ELL2: variants seen among roughly 807,000 people sequenced by gnomAD.
ELL2 encodes the protein RNA polymerase II elongation factor ELL2.
In ELL2, 21 loss-of-function variants were observed where a neutral mutation model predicts 72.8. The ratio of observed to expected loss-of-function variants is 0.29; its 90% CI spans 0.20 to 0.42. The LOEUF is 0.42. ELL2 is among the 10% of genes least tolerant of loss of function. ELL2 has a pLI of 1.00. For missense variants in ELL2, 568 were observed against 772.8 expected (o/e 0.73, Z 3.14); for synonymous variants, 266 against 283.2 (o/e 0.94, Z 0.61).
chr5:95,936,444 A>C (rs537153071), intron 2 of ELL2, among the ~76,000 whole-genome samples: 1 of 152,302 alleles, frequency 6.6e-6, no homozygotes, highest in East Asian at 1.9e-4. Flanking sequence ...TCTCCAGGGA[A>C]ATTTTATAGA....
At chr5:95,956,117 G>A (rs538604715) in intron 1 of ELL2, among the ~76,000 whole-genome samples, 3 of 152,154 alleles carry the variant, frequency 2.0e-5, no homozygotes, top group South Asian at 4.2e-4. Context: ...AGAATTCTAC[G>A]CCCCTTTCCT....
chr5:95,908,052 G>A (rs1749443414), intron 4 of ELL2, among the ~76,000 whole-genome samples: 1 of 152,144 alleles, frequency 6.6e-6, no homozygotes, highest in African/African-American at 2.4e-5. Context: ...TTTACTATCT[G>A]TACAAAACCA....
intron 2 of ELL2, among the ~76,000 whole-genome samples, chr5:95,940,658 A>G (rs1237945177): frequency 2.0e-5 from 3 of 152,224 alleles, no homozygotes; most frequent in Admixed American, 2.0e-4. Context: ...AAAAAGACAA[A>G]TAAAATTTCT....
intron 2 of ELL2, among the ~76,000 whole-genome samples, chr5:95,919,952 T>A (rs1296327792): frequency 4.6e-5 from 7 of 152,202 alleles, no homozygotes; most frequent in Non-Finnish European, 7.3e-5. Flanking sequence ...CTTCTATATA[T>A]TGAAGCAATC....
chr5:95,937,516 A>C (rs989024061), intron 2 of ELL2, among the ~76,000 whole-genome samples: 2 of 151,676 alleles, frequency 1.3e-5, no homozygotes, highest in African/African-American at 4.8e-5. Context: ...AAAAAAAAAA[A>C]GTGTGTGTGT....
At chr5:95,921,586 G>A (rs1750090494) in intron 2 of ELL2, among the ~76,000 whole-genome samples, 1 of 152,174 alleles carries the variant, frequency 6.6e-6, no homozygotes, top group Non-Finnish European at 1.5e-5. Context: ...CGCCTAGTTG[G>A]CATACATATA....
At position 95,893,335 on chromosome 5, in the gene ELL2, A is replaced by C. The variant is rs146550771; in HGVS notation, c.1590-2061T>G. Among the ~76,000 whole-genome samples, 34 of 152,350 alleles carry C rather than the reference A, an allele frequency of 2.2e-4. No homozygotes were observed. In the East Asian group the frequency reaches 6.2e-3, roughly 28 times the overall value. On this transcript the variant is annotated intron_variant, in intron 9 of 11. Transcript: ENST00000237853. ...GTAAAAGTATTCTTATTACATAAAA[A>C]TTAGAAATATTTTCGTTAAGTATGA... is the stretch of plus-strand genomic sequence containing the variant.
chr5:95,900,757 G>A lies in ELL2; in HGVS notation c.890C>T (p.Ala297Val). Residue 297 changes from alanine (A) to valine (V), a missense_variant, in exon 7 of 12, where the codon GCT becomes GTT. By Grantham distance (64) the Ala-to-Val change is moderately conservative. This residue lies in a region of ELL2 where 511 missense variants were observed against 728.4 expected (regional missense o/e 0.70). Coordinates refer to ENST00000237853, the MANE Select transcript of ELL2 (RefSeq NM_012081.6). ...AGATTCTGAACGGCTGGTGCCTGCAGCATTCTGAGACGGATTTAGTTTTCT... is the reference window on the plus strand; with the variant it reads ...AGATTCTGAACGGCTGGTGCCTGCAACATTCTGAGACGGATTTAGTTTTCT... ...LSRKLNPSQN[A>V]AGTSRSESPV... is the part of the protein sequence containing the mutation. The A allele has an allele frequency of 6.2e-7, 1 of 1,607,740 alleles. No individual in the cohort carries two copies. The highest frequency in any genetic ancestry group is 1.7e-4 in the Middle Eastern group (1 of 6,008).
At chr5:95,893,578 G>T (rs1216050787) in intron 9 of ELL2, among the ~76,000 whole-genome samples, 1 of 152,052 alleles carries the variant, frequency 6.6e-6, no homozygotes, top group Non-Finnish European at 1.5e-5. Context: ...GTAGAGACGG[G>T]GTTTCACCAT....
chr5:95,914,556 G>A (rs904551917), intron 3 of ELL2, among the ~76,000 whole-genome samples: 1 of 152,054 alleles, frequency 6.6e-6, no homozygotes, highest in Non-Finnish European at 1.5e-5. Context: ...GATTTTTATA[G>A]CAATTTTTTT....
intron 3 of ELL2, among the ~76,000 whole-genome samples, chr5:95,916,278 G>T (rs951965032): frequency 3.9e-5 from 6 of 152,084 alleles, no homozygotes; most frequent in African/African-American, 1.4e-4. Flanking sequence ...TGAAGGACAG[G>T]TTGGGAGACA....
Position 95,890,115 on chromosome 5 carries a change from G to A in ELL2, c.1762-985C>T, listed in dbSNP as rs556302051. On this transcript the variant is annotated intron_variant, in intron 10 of 11. Transcript: ENST00000237853. ...AAGTAATCCTTGGAATTATATTCTA[G>A]TTTCAGTATAATTATATACATTGAT... is the stretch of plus-strand genomic sequence containing the variant. Among the ~76,000 whole-genome samples, 7 of 152,126 alleles carry A rather than the reference G, an allele frequency of 4.6e-5. No individual in the cohort carries two copies. The South Asian group carries it at 1.2e-3, about 27-fold the overall frequency.
chr5:95,911,343 C>CTTT (rs141460387), intron 4 of ELL2, among the ~76,000 whole-genome samples: 1 of 146,388 alleles, frequency 6.8e-6, no homozygotes, highest in South Asian at 2.1e-4. Flanking sequence ...AATGATCACA[C>CTTT]TTTTTTTTTT....
intron 4 of ELL2, among the ~76,000 whole-genome samples, chr5:95,909,762 T>C (rs1749510774): frequency 6.6e-6 from 1 of 152,174 alleles, no homozygotes; most frequent in Admixed American, 6.5e-5. Flanking sequence ...CGCTGTTTCA[T>C]AACAAGGAGT....
chr5:95,947,723 C>G (rs1305049645), intron 1 of ELL2, among the ~76,000 whole-genome samples: 1 of 152,098 alleles, frequency 6.6e-6, no homozygotes, highest in Non-Finnish European at 1.5e-5. Context: ...TGTGTTACCC[C>G]CTAGTGCTAA....
chr5:95,941,006 T>C (rs1398729175), intron 2 of ELL2, among the ~76,000 whole-genome samples: 1 of 151,992 alleles, frequency 6.6e-6, no homozygotes, highest in East Asian at 1.9e-4. Context: ...AGCTGCAGGC[T>C]CTAAAACAAT....
At chr5:95,921,720 T>C (rs1750096085) in intron 2 of ELL2, among the ~76,000 whole-genome samples, 1 of 152,204 alleles carries the variant, frequency 6.6e-6, no homozygotes, top group Non-Finnish European at 1.5e-5. Context: ...ATGTCTGCTT[T>C]TGTTTCTCTG....
Position 95,961,738 on chromosome 5 carries a change from TGCCGCC to T in ELL2, c.-23_-18del, listed in dbSNP as rs748547152. The T allele has an allele frequency of 7.6e-6, 12 of 1,580,402 alleles. No homozygotes were observed. The highest frequency in any genetic ancestry group is 4.1e-5 in the African/African-American group (3 of 72,330). Reference sequence around the variant, plus strand: ...CGCCGCCATCTTAAACTCCCCGGGGTGCCGCCGCCGCCGCCGCTCCGGCTCTAGCCT... The same window carrying T: ...CGCCGCCATCTTAAACTCCCCGGGGTGCCGCCGCCGCTCCGGCTCTAGCCT... On this transcript the variant is annotated 5_prime_UTR_variant, in exon 1 of 12. Coordinates refer to ENST00000237853, the MANE Select transcript of ELL2 (RefSeq NM_012081.6).
chr5:95,917,358 T>A (rs990889484), intron 3 of ELL2, among the ~76,000 whole-genome samples: 1 of 152,334 alleles, frequency 6.6e-6, no homozygotes, highest in Non-Finnish European at 1.5e-5. Context: ...CATCTGTTTT[T>A]ACCCTTTTAT....
Sources: allele counts gnomAD v4.1 joint callset (sites outside exome capture counted in the v4.1 genomes callset), GRCh38; gene constraint gnomAD v4.1.1; regional missense constraint gnomAD v4.1.1; transcripts MANE v1.5; gene names NCBI Gene and HGNC (gene_info 2026-07-23, HGNC 2026-07-21).